The following MAGT1 variants were observed in gnomAD, a reference collection of about 807,000 sequenced individuals.
MAGT1 encodes the protein magnesium transporter 1.
MAGT1 carries 4 observed loss-of-function variants against 28.4 expected under a neutral mutation model. That is an observed-to-expected ratio of 0.14 (90% CI 0.07 to 0.32). The LOEUF (loss-of-function observed/expected upper bound fraction) is 0.32. Among genes scored for constraint, MAGT1 ranks in the 10% least tolerant of loss-of-function variants. The pLI is 1.00. For missense variants in MAGT1, 193 were observed against 264.5 expected, an observed-to-expected ratio of 0.73 and a Z score of 1.88; for synonymous variants, 89 against 89.7, an observed-to-expected ratio of 0.99 and a Z score of 0.04.
intron 3 of MAGT1, among the ~76,000 whole-genome samples, chrX:77,862,331 G>A (rs1255804839): frequency 1.8e-5 from 2 of 110,481 alleles, no homozygotes; most frequent in Non-Finnish European, 3.8e-5. Flanking sequence ...GAAAGTGTAC[G>A]TAACAAAAAC....
rs782730911 is a variant in MAGT1, at chrX:77,838,523, G to A, written c.901+2723C>T. The stretch of plus-strand genomic sequence containing the variant: ...GCCTATAATCCCAGAACTTTAGGAG[G>A]CTGAGGCAGGCACATCATGAGGTCA... On this transcript the variant is annotated intron_variant, in intron 8 of 9. Coordinates refer to ENST00000618282, the MANE Select transcript of MAGT1 (RefSeq NM_001367916.1). Among the ~76,000 whole-genome samples, 6 of 110,203 alleles carry A rather than the reference G, an allele frequency of 5.4e-5. No homozygotes were observed. In the South Asian group the frequency reaches 2.3e-3, roughly 42 times the overall value.
At chrX:77,852,752 T>A (rs1281015392) in intron 7 of MAGT1, among the ~76,000 whole-genome samples, 1 of 110,236 alleles carries the variant, frequency 9.1e-6, no homozygotes, top group African/African-American at 3.3e-5. Context: ...TCACCATACT[T>A]GGCTAATTTT....
At position 77,827,794 on chromosome X, in the gene MAGT1, T is replaced by C. The variant is rs782117294; in HGVS notation, c.*1426A>G. The C allele has an allele frequency of 9.0e-6, 1 of 111,059 alleles. No homozygotes were observed. Among genetic ancestry groups the C allele is most frequent in the South Asian group, 3.8e-4 (1 of 2,652 alleles). 9.2% of individuals were successfully genotyped at this position (111,059 alleles called of 1,213,427 possible). Reference sequence around the variant, plus strand: ...TTCTCTTAGGTACAAATGGAATAAGTGACAAACTCTAATTTGTAGAAACAT... The same window carrying C: ...TTCTCTTAGGTACAAATGGAATAAGCGACAAACTCTAATTTGTAGAAACAT... On this transcript the variant is annotated 3_prime_UTR_variant, in exon 10 of 10. Transcript: ENST00000618282.
At chrX:77,869,177 G>A (rs1371270870) in intron 3 of MAGT1, among the ~76,000 whole-genome samples, 8 of 110,374 alleles carry the variant, frequency 7.2e-5, no homozygotes, top group Non-Finnish European at 1.3e-4. Context: ...CACCACACCC[G>A]GATAATTTTT....
At chrX:77,856,551 G>A (rs1603361699) in intron 5 of MAGT1, 182 bp downstream of exon 5, 1 of 442,030 alleles carries the variant, frequency 2.3e-6, no homozygotes, top group Non-Finnish European at 3.9e-6. Flanking sequence ...TTGAAGTTCT[G>A]GCCATCCTTA....
intron 5 of MAGT1, among the ~76,000 whole-genome samples, chrX:77,856,077 C>T (rs2076980866): frequency 9.0e-6 from 1 of 111,258 alleles, no homozygotes; most frequent in African/African-American, 3.3e-5. Flanking sequence ...CAGGAAAACA[C>T]TATTTAAAAA....
rs1234874518 is a variant in MAGT1, at chrX:77,857,846, G to A, written c.391-349C>T. ...AGCACTAAAATAATCTTATGTAGCT[G>A]AGTAAGCTCCAAATAGAGTATATTC... is the stretch of plus-strand genomic sequence containing the variant. On this transcript the variant is annotated intron_variant, in intron 3 of 9. Coordinates refer to ENST00000618282, the MANE Select transcript of MAGT1 (RefSeq NM_001367916.1). Among the ~76,000 whole-genome samples the A allele has an allele frequency of 7.1e-5, 8 of 112,022 alleles. No individual in the cohort carries two copies. The Admixed American group carries it at 7.7e-4, about 11-fold the overall frequency.
intron 1 of MAGT1, among the ~76,000 whole-genome samples, chrX:77,886,422 T>A (rs1394732000): frequency 1.8e-5 from 2 of 108,847 alleles, no homozygotes; most frequent in East Asian, 5.8e-4. Flanking sequence ...AGCCCAGGAG[T>A]TCAAGACCGG....
intron 2 of MAGT1, among the ~76,000 whole-genome samples, chrX:77,873,883 A>T (rs2077026288): frequency 9.0e-6 from 1 of 111,372 alleles, no homozygotes; most frequent in South Asian, 3.8e-4. Context: ...AAAACTTTGT[A>T]CACTTTCACC....
chrX:77,887,574 C>T (rs2077071025), intron 1 of MAGT1, among the ~76,000 whole-genome samples: 1 of 111,816 alleles, frequency 8.9e-6, no homozygotes, highest in Non-Finnish European at 1.9e-5. Flanking sequence ...CACTAAATCC[C>T]ACTATTCATT....
chrX:77,843,015 G>C (rs781936944), intron 7 of MAGT1, among the ~76,000 whole-genome samples: 28 of 111,656 alleles, frequency 2.5e-4, no homozygotes, highest in South Asian at 1.5e-3. Context: ...GTAGAAAAGA[G>C]AGACAGATTC....
At chrX:77,872,676 T>C (rs2077023440) in intron 2 of MAGT1, among the ~76,000 whole-genome samples, 1 of 111,814 alleles carries the variant, frequency 8.9e-6, no homozygotes, top group African/African-American at 3.2e-5. Flanking sequence ...ACAAGTCTTA[T>C]TTCCTCCATC....
intron 9 of MAGT1, among the ~76,000 whole-genome samples, chrX:77,830,312 A>T (rs2076893968): frequency 9.0e-6 from 1 of 111,577 alleles, no homozygotes; most frequent in African/African-American, 3.3e-5. Context: ...ACAGAGTGAG[A>T]CCCTGTCTCT....
At chrX:77,835,594 A>T in intron 8 of MAGT1, among the ~76,000 whole-genome samples, 1 of 111,631 alleles carries the variant, frequency 9.0e-6, no homozygotes, top group South Asian at 3.8e-4. Flanking sequence ...TTGGGTATAC[A>T]CCCACAGAAA....
At chrX:77,843,090 T>C (rs1393232375) in intron 7 of MAGT1, among the ~76,000 whole-genome samples, 2 of 112,306 alleles carry the variant, frequency 1.8e-5, no homozygotes, top group African/African-American at 3.2e-5. Flanking sequence ...CATATGTACA[T>C]ACATGTTGTA....
chrX:77,846,657 C>G (rs1024995897), intron 7 of MAGT1, among the ~76,000 whole-genome samples: 17 of 112,417 alleles, frequency 1.5e-4, no homozygotes, highest in African/African-American at 5.5e-4. Context: ...TAACAGTCAG[C>G]ACCCTCAGCT....
chrX:77,878,479 A>G (rs1557218116), intron 1 of MAGT1, among the ~76,000 whole-genome samples: 2 of 100,252 alleles, frequency 2.0e-5, no homozygotes, highest in Non-Finnish European at 4.0e-5. Flanking sequence ...TCTCCAAAAA[A>G]AAAAAAGAAA....
At chrX:77,865,282 T>TTTTA (rs782177844) in intron 3 of MAGT1, among the ~76,000 whole-genome samples, 34 of 111,081 alleles carry the variant, frequency 3.1e-4, no homozygotes, top group African/African-American at 7.2e-4. Flanking sequence ...AACTATATTC[T>TTTTA]TTTATTTATT....
At chrX:77,851,210 T>C (rs782544521) in intron 7 of MAGT1, among the ~76,000 whole-genome samples, 89 of 109,822 alleles carry the variant, frequency 8.1e-4, no homozygotes, top group African/African-American at 2.7e-3. Flanking sequence ...TAAATGAACA[T>C]TGTCTTTCTT....
Sources: allele counts gnomAD v4.1 joint callset (sites outside exome capture counted in the v4.1 genomes callset), GRCh38; gene constraint gnomAD v4.1.1; transcripts MANE v1.5; gene names NCBI Gene and HGNC (gene_info 2026-07-23, HGNC 2026-07-21).